Variants in ATP11A observed in about 807,000 individuals in gnomAD.
The protein encoded by ATP11A is phospholipid-transporting ATPase IH.
Under a neutral mutation model 154.4 loss-of-function variants are expected in ATP11A, and 81 were observed. That is an observed-to-expected ratio of 0.52 (90% CI 0.44 to 0.63). The LOEUF (loss-of-function observed/expected upper bound fraction) is 0.63. ATP11A is among the 30% of genes least tolerant of loss of function. The pLI is 0.00. For missense variants in ATP11A, 1,316 were observed against 1,474.3 expected (o/e 0.89, Z 1.76); for synonymous variants, 623 against 585.9 (o/e 1.06, Z -0.91).
intron 6 of ATP11A, among the ~76,000 whole-genome samples, chr13:112,818,518 T>C (rs1158828655): frequency 6.6e-6 from 1 of 152,220 alleles, no homozygotes; most frequent in Non-Finnish European, 1.5e-5. Flanking sequence ...TCAGAGATGC[T>C]GTTGCCTCTT....
intron 1 of ATP11A, among the ~76,000 whole-genome samples, chr13:112,729,403 G>A (rs1353493359): frequency 2.0e-5 from 3 of 151,146 alleles, no homozygotes; most frequent in East Asian, 1.9e-4. Flanking sequence ...TATCTAACGC[G>A]TCCGAGTGCG....
rs753370470 is a variant in ATP11A, at chr13:112,819,917, A to G, written c.692A>G (p.Asn231Ser). The G allele has an allele frequency of 6.2e-7, 1 of 1,613,748 alleles. No homozygotes were observed. The highest frequency in any genetic ancestry group is 8.5e-7 in the Non-Finnish European group (1 of 1,179,812). The change falls in exon 8 of 30, where the codon AAC becomes AGC. Residue 231 changes from asparagine (N) to serine (S), a missense_variant. By Grantham distance (46) the Asn-to-Ser change is conservative. Transcript: ENST00000375645. ...PDLYKFVGRI[N>S]VYSDLNDPVV... Reference sequence around the variant, plus strand: ...GTCGCCAGGTTCGTGGGTCGCATCAACGTTTACAGTGACCTGAATGACCCC... The same window carrying G: ...GTCGCCAGGTTCGTGGGTCGCATCAGCGTTTACAGTGACCTGAATGACCCC...
chr13:112,718,012 G>A (rs1373604808), intron 1 of ATP11A, among the ~76,000 whole-genome samples: 1 of 152,182 alleles, frequency 6.6e-6, no homozygotes, highest in Non-Finnish European at 1.5e-5. Context: ...GGAGGCAGAG[G>A]TTGCAGTGAG....
Position 112,807,936 on chromosome 13 carries a change from G to A in ATP11A, c.333+1643G>A, listed in dbSNP as rs756477036. ...GGCAGGCGTAGCACTGTTCTTCAGC[G>A]TCCTCTTCTCTGCATTTGTTAAGGA... On this transcript the variant is annotated intron_variant, in intron 4 of 29. Transcript: ENST00000375645. The surrounding 1 kb of genome is among the most constrained non-coding windows in gnomAD (Gnocchi z 4.5). Among the ~76,000 whole-genome samples, 14 of 152,102 alleles carry A rather than the reference G, an allele frequency of 9.2e-5. No homozygotes were observed. Among genetic ancestry groups the A allele is most frequent in the Non-Finnish European group, 1.5e-4 (10 of 68,016 alleles).
chr13:112,818,963 G>A (rs551634609), intron 6 of ATP11A, among the ~76,000 whole-genome samples: 14 of 152,362 alleles, frequency 9.2e-5, no homozygotes, highest in East Asian at 3.9e-4. Context: ...ACAACAGGGC[G>A]TTCTGTAAAA....
At chr13:112,770,793 G>A (rs1385672691) in intron 1 of ATP11A, among the ~76,000 whole-genome samples, 1 of 152,236 alleles carries the variant, frequency 6.6e-6, no homozygotes, top group Non-Finnish European at 1.5e-5. Flanking sequence ...GCGATGGCGA[G>A]TCAGGAGGAA....
In ATP11A at chr13:112,885,807, A is replaced by T. The variant is rs933421101; in HGVS notation, c.*3941A>T. 2.0e-5 allele frequency: 3 copies of T among 152,298 alleles called. No individual in the cohort carries two copies. Among genetic ancestry groups the T allele is most frequent in the Non-Finnish European group, 1.5e-5 (1 of 68,080 alleles). 9.4% of individuals were successfully genotyped at this position (152,298 alleles called of 1,614,324 possible). ...TGGGAAGATGGGCTCCCTGGCCCCC[A>T]GCCCATGCCTCCCTGGGATGAAGAG... On this transcript the variant is annotated 3_prime_UTR_variant, in exon 30 of 30. Transcript: ENST00000375645.
intron 3 of ATP11A, 80 bp from the exon 4 acceptor site, chr13:112,806,133 C>T: frequency 9.6e-7 from 1 of 1,042,388 alleles, no homozygotes; most frequent in Non-Finnish European, 1.5e-6. Flanking sequence ...ATGGGAAGTG[C>T]TGGCTCAGGG....
At chr13:112,870,923 GTGTGTC>G (rs1399392895) in intron 25 of ATP11A, among the ~76,000 whole-genome samples, 1 of 152,184 alleles carries the variant, frequency 6.6e-6, no homozygotes, top group Non-Finnish European at 1.5e-5. Flanking sequence ...GTCCTCACGG[GTGTGTC>G]TGTGTCTGTG....
At position 112,785,039 on chromosome 13, in the gene ATP11A, T is replaced by C. The variant is rs1343417651; in HGVS notation, c.40-96T>C. ...ATGCTCTCAGCAGCAGGTACAGGTCTCCGTTCCGACGAACGTGCCTCAAGG... is the reference window on the plus strand; with the variant it reads ...ATGCTCTCAGCAGCAGGTACAGGTCCCCGTTCCGACGAACGTGCCTCAAGG... On this transcript the variant is annotated intron_variant, in intron 1 of 29. Transcript: ENST00000375645. The surrounding 1 kb of genome is among the most constrained non-coding windows in gnomAD (Gnocchi z 4.8). The C allele has an allele frequency of 7.4e-7, 1 of 1,345,788 alleles. No homozygotes were observed. The highest frequency in any genetic ancestry group is 1.5e-5 in the African/African-American group (1 of 66,328). The allele number at this position is 1,345,788 out of a possible 1,614,324, so 83.4% of individuals were successfully genotyped here. A position where few individuals can be genotyped will look rare whatever the true frequency, so the allele number is the denominator to read the frequency against.
Position 112,875,956 on chromosome 13 carries a change from C to T in ATP11A, c.3327+15C>T, listed in dbSNP as rs563850127. Reference sequence around the variant, plus strand: ...AGAGAGTCCAGGTACGGAGTGTCCCCAGCCGGGGCGGGGGTGCCTCAGGGC... The same window carrying T: ...AGAGAGTCCAGGTACGGAGTGTCCCTAGCCGGGGCGGGGGTGCCTCAGGGC... On this transcript the variant is annotated intron_variant, in intron 28 of 29. Transcript: ENST00000375645. The surrounding 1 kb of genome is among the most constrained non-coding windows in gnomAD (Gnocchi z 4.1). The T allele has an allele frequency of 5.2e-5, 83 of 1,600,184 alleles. No individual in the cohort carries two copies. Among genetic ancestry groups the T allele is most frequent in the Non-Finnish European group, 6.8e-5 (80 of 1,174,346 alleles).
intron 2 of ATP11A, among the ~76,000 whole-genome samples, chr13:112,791,584 C>T (rs774689059): frequency 6.6e-6 from 1 of 152,166 alleles, no homozygotes; most frequent in Admixed American, 6.5e-5. Context: ...CAGAGCATGG[C>T]GAATTCTGCC....
At chr13:112,879,844 A>C (rs1370554308) in intron 29 of ATP11A, among the ~76,000 whole-genome samples, 1 of 152,266 alleles carries the variant, frequency 6.6e-6, no homozygotes, top group Non-Finnish European at 1.5e-5. Context: ...TACGGAAAAG[A>C]AAAGCATCAC....
intron 1 of ATP11A, among the ~76,000 whole-genome samples, chr13:112,711,849 C>T (rs1887791489): frequency 6.6e-6 from 1 of 152,258 alleles, no homozygotes; most frequent in Admixed American, 6.5e-5. Context: ...CGCCCTCTCC[C>T]AGCCTCTCTG....
intron 10 of ATP11A, among the ~76,000 whole-genome samples, chr13:112,825,018 TCTTCCTTCCTCTCCTTTC>T (rs1321730569): frequency 6.6e-6 from 1 of 152,200 alleles, no homozygotes; most frequent in African/African-American, 2.4e-5. Flanking sequence ...TCCCTCCCTC[TCTTCCTTCCTCTCCTTTC>T]CTTCCTTCCT....
rs1160650541 is a variant in ATP11A at position 112,878,226 on chromosome 13, C to T, written c.3337C>T (p.Gln1113Ter). ...TATERVQTKS[Q>*]CLSVEQSTIF... ...TGACCTCGGGACTAAGACTAAGAGC[C>T]AGTGCCTTTCTGTCGAGCAGTCAAC... is the stretch of plus-strand genomic sequence containing the variant. The change falls in exon 29 of 30, where the codon CAG (glutamine) becomes TAG (stop). Residue 1113 changes from glutamine to a stop codon, truncating the protein, a stop_gained. Coordinates refer to ENST00000375645, the MANE Select transcript of ATP11A (RefSeq NM_015205.3). LOFTEE classifies it high-confidence loss of function. 1 of 1,614,112 alleles carries T rather than the reference C, an allele frequency of 6.2e-7. No individual in the cohort carries two copies. The highest frequency in any genetic ancestry group is 1.7e-5 in the Admixed American group (1 of 60,016).
At chr13:112,872,890 G>A (rs61961594) in intron 26 of ATP11A, among the ~76,000 whole-genome samples, 1 of 125,434 alleles carries the variant, frequency 8.0e-6, no homozygotes, top group Non-Finnish European at 1.8e-5. Flanking sequence ...TCTCCCGAAC[G>A]GTGTGAGGTG....
At chr13:112,844,245 C>T (rs1019472180) in intron 17 of ATP11A, among the ~76,000 whole-genome samples, 2 of 152,184 alleles carry the variant, frequency 1.3e-5, no homozygotes, top group Non-Finnish European at 2.9e-5. Flanking sequence ...CCTGCTGGAT[C>T]CCCACTGCTG....
intron 16 of ATP11A, among the ~76,000 whole-genome samples, chr13:112,841,231 C>T (rs1158329205): frequency 6.3e-5 from 7 of 110,376 alleles, no homozygotes; most frequent in Admixed American, 2.0e-4. Context: ...TCGCGGACCA[C>T]GGATGCTTCA....
Sources: gnomAD v4.1 joint callset for allele counts (sites outside exome capture counted in the v4.1 genomes callset) on GRCh38, gnomAD v4.1.1 for gene constraint, Gnocchi (gnomAD v3.1) non-coding constraint, MANE v1.5 for transcripts, NCBI Gene and HGNC (gene_info 2026-07-23, HGNC 2026-07-21) for gene names.